The following XIRP2 variants were observed in gnomAD, a reference collection of about 807,000 sequenced individuals.
XIRP2 encodes xin actin-binding repeat-containing protein 2.
Under a neutral mutation model 277.0 loss-of-function variants are expected in XIRP2, and 236 were observed. The ratio of observed to expected loss-of-function variants is 0.85; its 90% CI spans 0.77 to 0.95. XIRP2 has a LOEUF of 0.95. Among genes scored for constraint, XIRP2 ranks in the 40% least tolerant of loss-of-function variants. The probability of loss-of-function intolerance (pLI) is 0.00; values close to 1 mark genes in which losing one functional copy is unlikely to be tolerated. For synonymous variants in XIRP2, 1,490 were observed against 1,416.5 expected (o/e 1.05, Z -1.17); for missense variants, 4,640 against 4,157.5 (o/e 1.12, Z -3.19).
intron 2 of XIRP2, among the ~76,000 whole-genome samples, chr2:167,018,437 G>A (rs1468697792): frequency 6.6e-6 from 1 of 151,990 alleles, no homozygotes; most frequent in African/African-American, 2.4e-5. Context: ...AAGAATAAAG[G>A]GGGATAAAGA....
At position 167,254,125 on chromosome 2, in the gene XIRP2, A is replaced by G. The variant is rs1695594779; in HGVS notation, c.10649A>G (p.Ter3550=). 2 of 1,610,624 alleles carry G rather than the reference A, an allele frequency of 1.2e-6. No homozygotes were observed. The highest frequency in any genetic ancestry group is 1.3e-5 in the African/African-American group (1 of 74,730). Residue 3550 remains the stop codon, a stop_retained_variant, in exon 10 of 11, where the codon TAA becomes TGA. Coordinates refer to ENST00000409195, the MANE Select transcript of XIRP2 (RefSeq NM_152381.6). ...VPSGRQAEFS[*] ...AGTGGCAGACAAGCAGAATTTTCAT[A>G]AGTCCTGCTTCCGATGCCACCATTG...
rs1192314583 is a variant in XIRP2 at position 167,247,536 on chromosome 2, T to C, written c.6144T>C (p.Asn2048=). The change falls in exon 9 of 11, where the codon AAT becomes AAC. Residue 2048 remains asparagine (N), a synonymous_variant. Coordinates refer to ENST00000409195, the MANE Select transcript of XIRP2 (RefSeq NM_152381.6). The part of the protein sequence containing the change: ...ALEKSLRRLS[N]SHHKSNVLES... ...AGAAAAGCCTTAGAAGACTATCTAA[T>C]TCACACCATAAATCTAATGTTTTGG... 1 of 1,613,722 alleles carries C rather than the reference T, an allele frequency of 6.2e-7. No individual in the cohort carries two copies.
rs914437176 is a variant in XIRP2, at chr2:167,108,210, C to T, written c.409-27699C>T. Reference sequence around the variant, plus strand: ...GTATTAATAGTATCTCTTTCATTCCCGTTCTTAGTAATTTTGTGTCATCTC... The same window carrying T: ...GTATTAATAGTATCTCTTTCATTCCTGTTCTTAGTAATTTTGTGTCATCTC... On this transcript the variant is annotated intron_variant, in intron 2 of 10. Coordinates refer to ENST00000409195, the MANE Select transcript of XIRP2 (RefSeq NM_152381.6). 2.2e-4 allele frequency among the ~76,000 whole-genome samples: 33 copies of T among 151,860 alleles called. 1 individual carries two copies. Among genetic ancestry groups the T allele is most frequent in the Non-Finnish European group, 4.0e-4 (27 of 67,836 alleles).
intron 3 of XIRP2, among the ~76,000 whole-genome samples, chr2:167,181,534 A>T (rs533757183): frequency 2.0e-5 from 3 of 152,080 alleles, no homozygotes; most frequent in South Asian, 4.2e-4. Context: ...TTTATTTTTT[A>T]AATTATTTTA....
chr2:167,198,653 T>A (rs185203191), intron 3 of XIRP2, among the ~76,000 whole-genome samples: 6 of 152,186 alleles, frequency 3.9e-5, no homozygotes, highest in African/African-American at 1.4e-4. Flanking sequence ...GTTCTGAAAG[T>A]TTTCAAGGTT....
At chr2:166,927,125 A>T (rs1004081583) in intron 2 of XIRP2, among the ~76,000 whole-genome samples, 2 of 152,114 alleles carry the variant, frequency 1.3e-5, no homozygotes, top group Non-Finnish European at 2.9e-5. Flanking sequence ...TCTGTGTTCC[A>T]GTTTACTGGT....
chr2:166,914,004 G>A (rs1684790771), intron 2 of XIRP2, among the ~76,000 whole-genome samples: 1 of 152,154 alleles, frequency 6.6e-6, no homozygotes, highest in Non-Finnish European at 1.5e-5. Context: ...GAGCATACAA[G>A]TATGTTATCC....
chr2:167,153,067 C>T (rs573051711), intron 3 of XIRP2, among the ~76,000 whole-genome samples: 29 of 152,146 alleles, frequency 1.9e-4, no homozygotes, highest in Non-Finnish European at 4.0e-4. Flanking sequence ...AACTACATAC[C>T]CATATGTGCC....
intron 2 of XIRP2, among the ~76,000 whole-genome samples, chr2:167,044,167 C>T (rs565014579): frequency 6.6e-6 from 1 of 151,932 alleles, no homozygotes; most frequent in African/African-American, 2.4e-5. Context: ...GAATTAAAAG[C>T]AAAACCACAT....
chr2:167,100,943 T>G (rs1241076821), intron 2 of XIRP2, among the ~76,000 whole-genome samples: 1 of 152,206 alleles, frequency 6.6e-6, no homozygotes, highest in African/African-American at 2.4e-5. Context: ...TTGTCCGACT[T>G]TCTTTTGCTT....
At chr2:167,077,642 A>G (rs1043151190) in intron 2 of XIRP2, among the ~76,000 whole-genome samples, 4 of 152,198 alleles carry the variant, frequency 2.6e-5, no homozygotes, top group African/African-American at 9.7e-5. Flanking sequence ...GTCTTAAAGA[A>G]GTAAGTATGG....
At chr2:167,204,749 TG>T (rs1315682392) in intron 3 of XIRP2, among the ~76,000 whole-genome samples, 1 of 152,204 alleles carries the variant, frequency 6.6e-6, no homozygotes, top group African/African-American at 2.4e-5. Context: ...TGTTCTTTAT[TG>T]AAAACAAACA....
chr2:167,043,721 C>T (rs1177542816), intron 2 of XIRP2, among the ~76,000 whole-genome samples: 1 of 151,764 alleles, frequency 6.6e-6, no homozygotes, highest in African/African-American at 2.4e-5. Flanking sequence ...CAAAAAAATC[C>T]CTGGATCAGA....
intron 3 of XIRP2, among the ~76,000 whole-genome samples, chr2:167,161,035 A>G (rs186620169): frequency 6.6e-6 from 1 of 152,334 alleles, no homozygotes; most frequent in African/African-American, 2.4e-5. Context: ...CCAGCAGGGC[A>G]GTCAAGTCTT....
intron 2 of XIRP2, among the ~76,000 whole-genome samples, chr2:167,129,729 G>T (rs569433696): frequency 6.6e-6 from 1 of 151,908 alleles, no homozygotes; most frequent in African/African-American, 2.4e-5. Flanking sequence ...AATTAGGCAG[G>T]CGTGGTGGCG....
chr2:166,977,128 C>T (rs1227514971), intron 2 of XIRP2, among the ~76,000 whole-genome samples: 1 of 152,016 alleles, frequency 6.6e-6, no homozygotes, highest in East Asian at 1.9e-4. Flanking sequence ...TTTCCTCTTG[C>T]TACTTTCAAG....
chr2:167,081,485 A>C (rs1343705716), intron 2 of XIRP2, among the ~76,000 whole-genome samples: 1 of 152,186 alleles, frequency 6.6e-6, no homozygotes, highest in Non-Finnish European at 1.5e-5. Context: ...TTTTAAGATG[A>C]AAAATAGAAA....
At chr2:167,086,476 C>G (rs955824300) in intron 2 of XIRP2, among the ~76,000 whole-genome samples, 1 of 151,610 alleles carries the variant, frequency 6.6e-6, no homozygotes, top group Non-Finnish European at 1.5e-5. Context: ...TTTCCTGAAT[C>G]TGAACGTTGG....
At chr2:167,219,353 G>T (rs1304022213) in intron 5 of XIRP2, among the ~76,000 whole-genome samples, 2 of 152,186 alleles carry the variant, frequency 1.3e-5, no homozygotes, top group African/African-American at 4.8e-5. Context: ...CAATGTAGGA[G>T]TCTTTGAGTG....
Sources: allele counts gnomAD v4.1 joint callset (sites outside exome capture counted in the v4.1 genomes callset), GRCh38; gene constraint gnomAD v4.1.1; transcripts MANE v1.5; gene names NCBI Gene and HGNC (gene_info 2026-07-23, HGNC 2026-07-21).